MAF: variants seen among roughly 807,000 people sequenced by gnomAD.
The protein encoded by MAF is transcription factor Maf.
Under a neutral mutation model 22.0 loss-of-function variants are expected in MAF, and 10 were observed. The observed-to-expected ratio is 0.45, with a 90% CI of 0.28 to 0.77. The LOEUF (loss-of-function observed/expected upper bound fraction) is 0.77, where lower values mean the gene tolerates loss of function less well. MAF is among the 30% of genes least tolerant of loss of function. The pLI, the probability that MAF is intolerant of heterozygous loss-of-function variation, is 0.12. For missense variants in MAF, 544 were observed against 548.4 expected, an observed-to-expected ratio of 0.99 and a Z score of 0.08; for synonymous variants, 337 against 255.8, an observed-to-expected ratio of 1.32 and a Z score of -3.03.
At chr16:79,338,568 A>G in the MAF span, among the ~76,000 whole-genome samples, 17 of 151,356 alleles carry the variant, frequency 1.1e-4, no homozygotes, top group East Asian at 3.1e-3. Context: ...GAAAACGTAC[A>G]AGGTTACAGA....
the MAF span, chr16:79,211,693 G>T: frequency 1.2e-6 from 2 of 1,614,208 alleles, no homozygotes; most frequent in Admixed American, 3.3e-5. Context: ...AACTGCTGCC[G>T]CTGCATGCCC....
the MAF span, among the ~76,000 whole-genome samples, chr16:79,518,327 T>C: frequency 1.3e-5 from 2 of 152,224 alleles, no homozygotes; most frequent in African/African-American, 4.8e-5. Context: ...TGCCTGGGAA[T>C]TTTGGTGTCC....
At chr16:79,203,202 A>G in the MAF span, 1 of 152,208 alleles carries the variant, frequency 6.6e-6, no homozygotes, top group African/African-American at 2.4e-5. Flanking sequence ...TGCCTAAGCT[A>G]TCACCATTAA....
chr16:79,218,047 T>C, the MAF span, among the ~76,000 whole-genome samples: 3 of 146,790 alleles, frequency 2.0e-5, no homozygotes, highest in South Asian at 6.8e-4. Flanking sequence ...ATACCCTGTC[T>C]ATTAACTCTT....
the MAF span, among the ~76,000 whole-genome samples, chr16:79,275,132 G>A: frequency 2.6e-5 from 4 of 152,260 alleles, no homozygotes; most frequent in East Asian, 1.9e-4. Context: ...GAGGCAGGTG[G>A]ATCACTTGAG....
At chr16:79,374,379 C>T in the MAF span, among the ~76,000 whole-genome samples, 1 of 152,174 alleles carries the variant, frequency 6.6e-6, no homozygotes, top group South Asian at 2.1e-4. Context: ...TCCTCCCAAC[C>T]TCTCTGCTAT....
the MAF span, among the ~76,000 whole-genome samples, chr16:79,280,009 C>T: frequency 6.6e-6 from 1 of 152,170 alleles, no homozygotes; most frequent in African/African-American, 2.4e-5. Context: ...TTCTGCTGCC[C>T]CTGTCACAGG....
At chr16:79,300,094 T>G in the MAF span, among the ~76,000 whole-genome samples, 1 of 152,208 alleles carries the variant, frequency 6.6e-6, no homozygotes, top group Non-Finnish European at 1.5e-5. Flanking sequence ...TCCAAAAATG[T>G]TTGGTCATGG....
At chr16:79,258,380 C>A in the MAF span, among the ~76,000 whole-genome samples, 1 of 152,200 alleles carries the variant, frequency 6.6e-6, no homozygotes, top group African/African-American at 2.4e-5. Context: ...AATCCAGCCC[C>A]AGACAGGAGT....
chr16:79,208,103 C>T, the MAF span, among the ~76,000 whole-genome samples: 27 of 152,142 alleles, frequency 1.8e-4, no homozygotes, highest in Admixed American at 1.8e-3. Flanking sequence ...TCCTTATTAC[C>T]AAGATACTCT....
chr16:79,380,887 G>A, the MAF span, among the ~76,000 whole-genome samples: 10 of 152,230 alleles, frequency 6.6e-5, no homozygotes, highest in African/African-American at 2.4e-4. Flanking sequence ...GAAGTTGTCT[G>A]CCAAATCTGG....
At chr16:79,340,096 G>A in the MAF span, among the ~76,000 whole-genome samples, 3 of 152,072 alleles carry the variant, frequency 2.0e-5, no homozygotes, top group African/African-American at 7.2e-5. Flanking sequence ...ATTACTACGG[G>A]GAACTCTAGC....
the MAF span, among the ~76,000 whole-genome samples, chr16:79,238,107 C>G: frequency 6.6e-6 from 1 of 152,238 alleles, no homozygotes; most frequent in African/African-American, 2.4e-5. Context: ...CAGTCATCAG[C>G]AAAGGATCTT....
At chr16:79,363,232 G>A in the MAF span, among the ~76,000 whole-genome samples, 2 of 152,136 alleles carry the variant, frequency 1.3e-5, no homozygotes, top group East Asian at 1.9e-4. Context: ...CTTAAGGATC[G>A]CTCAGCTCTT....
chr16:79,384,626 G>A, the MAF span, among the ~76,000 whole-genome samples: 2,246 of 151,744 alleles, frequency 0.015, 49 homozygotes, highest in African/African-American at 0.051. Flanking sequence ...GTGTGGTGGC[G>A]GGCGCCTGTA....
chr16:79,262,102 A>T, the MAF span, among the ~76,000 whole-genome samples: 1 of 152,118 alleles, frequency 6.6e-6, no homozygotes, highest in Non-Finnish European at 1.5e-5. Context: ...ATATTTGGAG[A>T]GTCCCTTCCG....
the MAF span, among the ~76,000 whole-genome samples, chr16:79,371,086 G>C: frequency 4.6e-5 from 7 of 152,104 alleles, no homozygotes; most frequent in African/African-American, 1.7e-4. Context: ...AGGGTACTCA[G>C]ATGGTGGATG....
At chr16:79,432,343 C>T in the MAF span, among the ~76,000 whole-genome samples, 15 of 152,272 alleles carry the variant, frequency 9.9e-5, 1 homozygote, top group South Asian at 8.3e-4. Context: ...TCGAGTATTT[C>T]CTTATAGCAA....
At chr16:79,317,784 G>A in the MAF span, among the ~76,000 whole-genome samples, 1 of 152,142 alleles carries the variant, frequency 6.6e-6, no homozygotes, top group Non-Finnish European at 1.5e-5. Context: ...CTAGCCCACT[G>A]GACACATGAC....
Sources: allele counts gnomAD v4.1 joint callset (sites outside exome capture counted in the v4.1 genomes callset), GRCh38; gene constraint gnomAD v4.1.1; transcripts MANE v1.5; gene names NCBI Gene and HGNC (gene_info 2026-07-23, HGNC 2026-07-21).